Variants in AKAP6 observed in about 807,000 individuals in gnomAD.
AKAP6 encodes the protein A-kinase anchor protein 6.
In AKAP6, 58 loss-of-function variants were observed where a neutral mutation model predicts 188.5. The observed-to-expected ratio is 0.31, with a 90% CI of 0.25 to 0.38. The LOEUF is 0.38. Ranked by LOEUF, AKAP6 falls within the 10% of genes least tolerant of loss-of-function variation. The probability of loss-of-function intolerance (pLI) is 1.00; values close to 1 mark genes in which losing one functional copy is unlikely to be tolerated. For synonymous variants in AKAP6, 989 were observed against 998.6 expected (o/e 0.99, Z 0.18); for missense variants, 2,710 against 2,740.0 (o/e 0.99, Z 0.24).
intron 3 of AKAP6, among the ~76,000 whole-genome samples, chr14:32,540,192 A>ATATATATATTTT (rs1406480125): frequency 4.1e-4 from 51 of 123,414 alleles, no homozygotes; most frequent in Non-Finnish European, 5.8e-4. Flanking sequence ...ATATATATAT[A>ATATATATATTTT]TTTTAATTTT....
At chr14:32,485,654 G>A (rs1306507045) in intron 2 of AKAP6, among the ~76,000 whole-genome samples, 1 of 84,734 alleles carries the variant, frequency 1.2e-5, no homozygotes, top group Non-Finnish European at 2.0e-5. Context: ...ACCTTTTAAT[G>A]GGGTTGTTTG....
intron 11 of AKAP6, among the ~76,000 whole-genome samples, chr14:32,741,533 C>T (rs1308383514): frequency 6.6e-6 from 1 of 151,874 alleles, no homozygotes; most frequent in Admixed American, 6.6e-5. Context: ...AGATATGTTC[C>T]ATCCATCCCC....
intron 1 of AKAP6, among the ~76,000 whole-genome samples, chr14:32,351,347 G>A (rs536216887): frequency 5.9e-5 from 9 of 152,246 alleles, no homozygotes; most frequent in South Asian, 2.1e-4. Flanking sequence ...TGGATCACCC[G>A]AGGTCGGGAG....
chr14:32,389,441 C>T (rs372633512), intron 1 of AKAP6, among the ~76,000 whole-genome samples: 136 of 151,856 alleles, frequency 9.0e-4, no homozygotes, highest in African/African-American at 3.2e-3. Context: ...TTTATAGGTC[C>T]TGTGAGATTT....
intron 9 of AKAP6, among the ~76,000 whole-genome samples, chr14:32,705,889 G>A (rs1009808843): frequency 6.6e-6 from 1 of 152,146 alleles, no homozygotes; most frequent in Non-Finnish European, 1.5e-5. Flanking sequence ...AGAAAAGGGA[G>A]CTCTAGCGGG....
At chr14:32,778,255 GA>G (rs1427055349) in intron 12 of AKAP6, among the ~76,000 whole-genome samples, 1 of 152,120 alleles carries the variant, frequency 6.6e-6, no homozygotes, top group African/African-American at 2.4e-5. Context: ...AGGGAATGAA[GA>G]AGACTGAAAA....
chr14:32,426,666 A>G (rs1890041401), intron 1 of AKAP6, among the ~76,000 whole-genome samples: 1 of 152,224 alleles, frequency 6.6e-6, no homozygotes, highest in Non-Finnish European at 1.5e-5. Context: ...ATTAGTGTTC[A>G]CTGAGTCCAG....
At chr14:32,417,886 T>A (rs929148848) in intron 1 of AKAP6, 1 of 152,184 alleles carries the variant, frequency 6.6e-6, no homozygotes, top group African/African-American at 2.4e-5. Flanking sequence ...AATGAAATAT[T>A]CTAGATTATT....
intron 1 of AKAP6, among the ~76,000 whole-genome samples, chr14:32,394,835 C>T (rs1170689856): frequency 2.0e-5 from 3 of 152,044 alleles, no homozygotes; most frequent in African/African-American, 7.2e-5. Flanking sequence ...ATATTAAGCG[C>T]TATATATTTG....
At chr14:32,664,371 T>C (rs1888831613) in intron 7 of AKAP6, among the ~76,000 whole-genome samples, 2 of 152,114 alleles carry the variant, frequency 1.3e-5, no homozygotes, top group Admixed American at 1.3e-4. Context: ...TGTGTGCTTG[T>C]GTGTGGCTTT....
intron 9 of AKAP6, among the ~76,000 whole-genome samples, chr14:32,714,973 A>G (rs1036521901): frequency 5.3e-5 from 8 of 151,946 alleles, no homozygotes; most frequent in African/African-American, 1.9e-4. Context: ...TTCGAAGTCT[A>G]CACCCTGGGA....
intron 4 of AKAP6, among the ~76,000 whole-genome samples, chr14:32,570,783 T>C (rs1884441584): frequency 6.6e-6 from 1 of 152,238 alleles, no homozygotes. Context: ...TTAGCCACAC[T>C]GGCTTATGAG....
At chr14:32,577,010 C>T in intron 4 of AKAP6, 110 bp from the exon 5 acceptor site, 1 of 1,252,664 alleles carries the variant, frequency 8.0e-7, no homozygotes, top group Non-Finnish European at 1.1e-6. Flanking sequence ...GCGGTGGGAT[C>T]GATTTGATCA....
At chr14:32,646,440 C>T (rs906248579) in intron 7 of AKAP6, among the ~76,000 whole-genome samples, 13 of 151,978 alleles carry the variant, frequency 8.6e-5, no homozygotes, top group Admixed American at 5.9e-4. Flanking sequence ...CAATTATTTT[C>T]GTTAGAAATC....
intron 2 of AKAP6, among the ~76,000 whole-genome samples, chr14:32,520,110 T>A (rs1025450755): frequency 6.6e-6 from 1 of 152,046 alleles, no homozygotes; most frequent in Non-Finnish European, 1.5e-5. Context: ...GGTACATAAC[T>A]AAATGAAGGC....
intron 7 of AKAP6, among the ~76,000 whole-genome samples, chr14:32,673,625 C>T (rs558016468): frequency 6.6e-6 from 1 of 152,210 alleles, no homozygotes; most frequent in East Asian, 1.9e-4. Flanking sequence ...ATCCCAGCTA[C>T]TTGGGAGGCT....
intron 5 of AKAP6, among the ~76,000 whole-genome samples, chr14:32,587,184 C>A (rs1389626228): frequency 6.6e-6 from 1 of 151,738 alleles, no homozygotes; most frequent in Non-Finnish European, 1.5e-5. Flanking sequence ...TTTTTGAGAA[C>A]TATTTTTAAA....
intron 1 of AKAP6, among the ~76,000 whole-genome samples, chr14:32,372,851 GAA>G (rs1303832022): frequency 6.6e-6 from 1 of 151,768 alleles, no homozygotes; most frequent in Non-Finnish European, 1.5e-5. Context: ...GAGAGAAAAA[GAA>G]AGAGAGCGAG....
intron 12 of AKAP6, among the ~76,000 whole-genome samples, chr14:32,786,296 A>ATGGTTTTTTTTTTTTTTTTTTTTT: frequency 4.3e-5 from 4 of 93,706 alleles, no homozygotes; most frequent in South Asian, 3.7e-4. Context: ...CTAAACCTTT[A>ATGGTTTTTTTTTTTTTTTTTTTTT]TCTTTTTTTT....
Sources: gnomAD v4.1 joint callset for allele counts (sites outside exome capture counted in the v4.1 genomes callset) on GRCh38, gnomAD v4.1.1 for gene constraint, MANE v1.5 for transcripts, NCBI Gene and HGNC (gene_info 2026-07-23, HGNC 2026-07-21) for gene names.